Variants in MSH4 observed in about 807,000 individuals in gnomAD.
The protein encoded by MSH4 is mutS homolog 4.
A neutral mutation model predicts 113.7 loss-of-function variants in MSH4; 106 were observed. That is an observed-to-expected ratio of 0.93 (90% CI 0.80 to 1.10). The LOEUF (loss-of-function observed/expected upper bound fraction) is 1.10. Among genes scored for constraint, MSH4 ranks in the 50% least tolerant of loss-of-function variants. The pLI, the probability that MSH4 is intolerant of heterozygous loss-of-function variation, is 0.00. For missense variants in MSH4, 1,061 were observed against 1,093.7 expected, an observed-to-expected ratio of 0.97 and a Z score of 0.42; for synonymous variants, 368 against 380.2, an observed-to-expected ratio of 0.97 and a Z score of 0.37.
intron 14 of MSH4, among the ~76,000 whole-genome samples, chr1:75,883,402 T>C (rs955537677): frequency 1.3e-5 from 2 of 151,848 alleles, no homozygotes; most frequent in African/African-American, 4.8e-5. Flanking sequence ...AATTCTAGAG[T>C]TCTCTAGAAG....
chr1:75,864,751 G>A lies in MSH4; in HGVS notation c.1231-2763G>A, dbSNP rs1348071334. Reference sequence around the variant, plus strand: ...TATAAGCCCTTTTTTGGTTATGTGTGTTACAAACATTTCTTCCCATTTTGT... The same window carrying A: ...TATAAGCCCTTTTTTGGTTATGTGTATTACAAACATTTCTTCCCATTTTGT... On this transcript the variant is annotated intron_variant, in intron 8 of 19. Coordinates refer to ENST00000263187, the MANE Select transcript of MSH4 (RefSeq NM_002440.4). Among the ~76,000 whole-genome samples the A allele has an allele frequency of 2.0e-5, 3 of 152,078 alleles. No individual in the cohort carries two copies. In the South Asian group the frequency reaches 6.2e-4, roughly 31 times the overall value.
Position 75,797,034 on chromosome 1 carries a change from T to C in MSH4, c.49T>C (p.Ser17Pro). 6.2e-7 allele frequency: 1 copy of C among 1,614,064 alleles called. No individual in the cohort carries two copies. The highest frequency in any genetic ancestry group is 1.1e-5 in the South Asian group (1 of 91,090). ...AACCTCGCCTTCTGCCCCGGCGGTT[T>C]CCCCGTCGTCGGGAGAAACCCGCTC... ...SSTSPSAPAV[S>P]PSSGETRSPQ... Residue 17 changes from serine (S) to proline (P), a missense_variant, in exon 1 of 20, where the codon TCC becomes CCC. Physicochemically the swap from Ser to Pro is moderately conservative, Grantham distance 74 (BLOSUM62 -1). Coordinates refer to ENST00000263187, the MANE Select transcript of MSH4 (RefSeq NM_002440.4).
In MSH4 at chr1:75,878,132, T is replaced by C; in HGVS notation, c.1371-17T>C. 6.6e-7 allele frequency: 1 copy of C among 1,523,082 alleles called. No individual in the cohort carries two copies. The highest frequency in any genetic ancestry group is 8.9e-7 in the Non-Finnish European group (1 of 1,128,024). 94.3% of individuals were successfully genotyped at this position (1,523,082 alleles called of 1,614,324 possible). On this transcript the variant is annotated splice_polypyrimidine_tract_variant and intron_variant, in intron 10 of 19. Transcript: ENST00000263187. ...GACTTATTGCCTATAATGTTTTTCT[T>C]TTGGCCTTAATATTAGGTTTGGAAT...
chr1:75,881,213 C>T, intron 13 of MSH4, 33 bp from the exon 14 acceptor site: 1 of 1,484,902 alleles, frequency 6.7e-7, no homozygotes, highest in Non-Finnish European at 9.0e-7. Context: ...TTTGAAAAAA[C>T]ATTATTACAT....
intron 8 of MSH4, among the ~76,000 whole-genome samples, chr1:75,867,036 A>G (rs533819685): frequency 2.0e-5 from 3 of 152,314 alleles, no homozygotes; most frequent in Admixed American, 2.0e-4. Context: ...ATTTTGGCAA[A>G]CTATAATTCC....
Position 75,881,250 on chromosome 1 carries a change from G to C in MSH4, c.1786G>C (p.Val596Leu). Residue 596 changes from valine (V) to leucine (L), a missense_variant, in exon 14 of 20, where the codon GTG (valine) becomes CTG (leucine). Transcript: ENST00000263187. ...REIYHMTYMI[V>L]CKLLSEIYEH... ...TCTTACCAAACGTGTTTTCAGGATA[G>C]TGTGCAAACTGCTTAGTGAGATTTA... 6.3e-7 allele frequency: 1 copy of C among 1,599,646 alleles called. No homozygotes were observed. The highest frequency in any genetic ancestry group is 8.5e-7 in the Non-Finnish European group (1 of 1,169,824).
chr1:75,848,308 A>G (rs1557508194), intron 8 of MSH4, 32 bp downstream of exon 8: 3 of 1,357,670 alleles, frequency 2.2e-6, no homozygotes, highest in South Asian at 1.3e-5. Context: ...GTATTATATT[A>G]TTATACATTA....
At chr1:75,828,494 A>T (rs1418669844) in intron 7 of MSH4, among the ~76,000 whole-genome samples, 1 of 152,194 alleles carries the variant, frequency 6.6e-6, no homozygotes, top group East Asian at 1.9e-4. Flanking sequence ...GAATGAAATC[A>T]TGTTCTTTTT....
chr1:75,871,269 T>A (rs187855720), intron 9 of MSH4, among the ~76,000 whole-genome samples: 33 of 152,274 alleles, frequency 2.2e-4, no homozygotes, highest in African/African-American at 7.7e-4. Flanking sequence ...TTCAATTACC[T>A]CCATCTGGTC....
intron 8 of MSH4, 34 bp from the exon 9 acceptor site, chr1:75,867,480 G>A (rs1309838199): frequency 1.8e-6 from 2 of 1,121,012 alleles, no homozygotes; most frequent in African/African-American, 1.6e-5. Flanking sequence ...AATATTTATG[G>A]TGTCCATCCA....
rs200869058 is a variant in MSH4 at position 75,813,848 on chromosome 1, G to GA, written c.700-1164dup. 5.8e-3 allele frequency among the ~76,000 whole-genome samples: 853 copies of GA among 147,748 alleles called. 5 individuals are homozygous for GA. The highest frequency in any genetic ancestry group is 9.3e-3 in the Admixed American group (137 of 14,800). On this transcript the variant is annotated intron_variant, in intron 4 of 19. Transcript: ENST00000263187. ...CAACATAGTGAGACCCCTCTCTTAAGAAAAAAAAACAGACCTGCATTAAAT... is the reference window on the plus strand; with the variant it reads ...CAACATAGTGAGACCCCTCTCTTAAGAAAAAAAAAACAGACCTGCATTAAAT...
chr1:75,808,431 C>T (rs1650115884), intron 3 of MSH4, among the ~76,000 whole-genome samples: 1 of 152,068 alleles, frequency 6.6e-6, no homozygotes. Context: ...TGTAAAGTGG[C>T]CTATGAAGTG....
At chr1:75,845,997 C>T (rs1651067013) in intron 7 of MSH4, among the ~76,000 whole-genome samples, 2 of 151,972 alleles carry the variant, frequency 1.3e-5, no homozygotes, top group Admixed American at 6.6e-5. Flanking sequence ...CCAAGATACA[C>T]AGCTTATACC....
At chr1:75,894,486 G>A (rs978300737) in intron 17 of MSH4, among the ~76,000 whole-genome samples, 8 of 152,282 alleles carry the variant, frequency 5.3e-5, no homozygotes, top group Admixed American at 2.6e-4. Flanking sequence ...CAGCAGAGAC[G>A]AACATTGAGT....
intron 6 of MSH4, among the ~76,000 whole-genome samples, chr1:75,817,295 A>G (rs1187901699): frequency 6.6e-6 from 1 of 152,216 alleles, no homozygotes; most frequent in Non-Finnish European, 1.5e-5. Flanking sequence ...GCTCAACTTT[A>G]CTAGTCATTA....
intron 15 of MSH4, among the ~76,000 whole-genome samples, chr1:75,886,561 T>TA (rs1652119499): frequency 9.2e-6 from 1 of 109,038 alleles, no homozygotes; most frequent in South Asian, 2.6e-4. Context: ...TACGATGTAT[T>TA]ATATGCAAGT....
intron 7 of MSH4, among the ~76,000 whole-genome samples, chr1:75,837,628 T>C (rs1406917865): frequency 6.6e-6 from 1 of 152,102 alleles, no homozygotes; most frequent in African/African-American, 2.4e-5. Flanking sequence ...CCTCAGGTGA[T>C]CCACCAGCCT....
chr1:75,912,940 T>C lies in MSH4; in HGVS notation c.*53T>C. ...TAATTCAAGGAACCTAGAATTTATT[T>C]TTCTCCTTAGAGATAAGGAAAATAA... On this transcript the variant is annotated 3_prime_UTR_variant, in exon 20 of 20. Coordinates refer to ENST00000263187, the MANE Select transcript of MSH4 (RefSeq NM_002440.4). The C allele has an allele frequency of 8.4e-7, 1 of 1,189,310 alleles. No homozygotes were observed. Among genetic ancestry groups the C allele is most frequent in the Non-Finnish European group, 1.1e-6 (1 of 895,220 alleles). 73.7% of individuals were successfully genotyped at this position (1,189,310 alleles called of 1,614,324 possible).
intron 7 of MSH4, among the ~76,000 whole-genome samples, chr1:75,837,089 AG>A (rs772419839): frequency 5.9e-5 from 9 of 152,118 alleles, no homozygotes; most frequent in Non-Finnish European, 1.0e-4. Context: ...TGGGGCCTTT[AG>A]GGGGTGGTTA....
Sources: gnomAD v4.1 joint callset for allele counts (sites outside exome capture counted in the v4.1 genomes callset) on GRCh38, gnomAD v4.1.1 for gene constraint, MANE v1.5 for transcripts, NCBI Gene and HGNC (gene_info 2026-07-23, HGNC 2026-07-21) for gene names.